TMTC1: variants seen among roughly 807,000 people sequenced by gnomAD.
TMTC1 encodes transmembrane O-mannosyltransferase targeting cadherins 1, also known as protein O-mannosyl-transferase TMTC1.
A neutral mutation model predicts 104.8 loss-of-function variants in TMTC1; 73 were observed. The observed-to-expected ratio is 0.70, with a 90% CI of 0.58 to 0.85. TMTC1 has a LOEUF of 0.85. Ranked by LOEUF, TMTC1 falls within the 40% of genes least tolerant of loss-of-function variation. The pLI, the probability that TMTC1 is intolerant of heterozygous loss-of-function variation, is 0.00. For synonymous variants in TMTC1, 434 were observed against 428.7 expected (o/e 1.01, Z -0.15); for missense variants, 1,035 against 1,096.1 (o/e 0.94, Z 0.79).
chr12:29,733,007 G>A (rs940868403), intron 5 of TMTC1, among the ~76,000 whole-genome samples: 2 of 152,156 alleles, frequency 1.3e-5, no homozygotes, highest in Non-Finnish European at 1.5e-5. Context: ...TATATACTGA[G>A]CTTCCCAGTA....
intron 9 of TMTC1, among the ~76,000 whole-genome samples, chr12:29,557,771 G>A (rs967117838): frequency 2.0e-5 from 3 of 152,164 alleles, no homozygotes; most frequent in African/African-American, 7.2e-5. Context: ...TTGGATTAGA[G>A]CATTGGTAAG....
At chr12:29,603,333 A>AT (rs1423768787) in intron 7 of TMTC1, among the ~76,000 whole-genome samples, 2 of 152,030 alleles carry the variant, frequency 1.3e-5, no homozygotes, top group African/African-American at 4.8e-5. Context: ...TCCTCCTAAC[A>AT]TTTTGGTTTA....
chr12:29,537,885 T>C (rs575146414), intron 10 of TMTC1, among the ~76,000 whole-genome samples: 1 of 152,218 alleles, frequency 6.6e-6, no homozygotes, highest in Non-Finnish European at 1.5e-5. Context: ...TCAACTATCA[T>C]AGACCTTGGG....
At chr12:29,630,462 G>T (rs930326884) in intron 6 of TMTC1, among the ~76,000 whole-genome samples, 1 of 152,126 alleles carries the variant, frequency 6.6e-6, no homozygotes, top group African/African-American at 2.4e-5. Context: ...CTCTCATGGG[G>T]TCCCTCCTAT....
chr12:29,705,422 T>A (rs1020362664), intron 5 of TMTC1, among the ~76,000 whole-genome samples: 2 of 152,170 alleles, frequency 1.3e-5, no homozygotes, highest in African/African-American at 4.8e-5. Flanking sequence ...GTAAGAGAAA[T>A]TTACATCCAC....
Position 29,694,973 on chromosome 12 carries a change from G to A in TMTC1, c.938+56693C>T, listed in dbSNP as rs150770888. Among the ~76,000 whole-genome samples the A allele has an allele frequency of 1.5e-3, 222 of 151,136 alleles. 1 individual carries two copies. The Middle Eastern group carries it at 0.034, about 23-fold the overall frequency. On this transcript the variant is annotated intron_variant, in intron 5 of 17. Transcript: ENST00000539277. Reference sequence around the variant, plus strand: ...AAAACAAAACAAAACAAAAAAACCTGCAACAATCTATTTTCTCAGATTTTT... The same window carrying A: ...AAAACAAAACAAAACAAAAAAACCTACAACAATCTATTTTCTCAGATTTTT...
At chr12:29,776,304 G>T (rs906070029) in intron 1 of TMTC1, among the ~76,000 whole-genome samples, 1 of 152,180 alleles carries the variant, frequency 6.6e-6, no homozygotes, top group Non-Finnish European at 1.5e-5. Context: ...GTTCCAGCAA[G>T]TTCCAATAGA....
chr12:29,531,095 C>G (rs1000413703), intron 11 of TMTC1, among the ~76,000 whole-genome samples: 9 of 152,106 alleles, frequency 5.9e-5, no homozygotes, highest in African/African-American at 2.2e-4. Flanking sequence ...CTAGGGGTAG[C>G]CTTCCCTTCT....
At chr12:29,631,512 T>C (rs1229762137) in intron 6 of TMTC1, among the ~76,000 whole-genome samples, 1 of 152,234 alleles carries the variant, frequency 6.6e-6, no homozygotes, top group Admixed American at 6.5e-5. Context: ...ATTGAATTAC[T>C]TTGACAACTA....
chr12:29,593,865 AC>A (rs1453991764), intron 7 of TMTC1, among the ~76,000 whole-genome samples: 1 of 152,222 alleles, frequency 6.6e-6, no homozygotes, highest in Non-Finnish European at 1.5e-5. Flanking sequence ...TCATTTCTGA[AC>A]CCTAAGCAAC....
At chr12:29,573,117 C>T (rs1010715597) in intron 8 of TMTC1, among the ~76,000 whole-genome samples, 8 of 152,162 alleles carry the variant, frequency 5.3e-5, no homozygotes, top group East Asian at 3.9e-4. Context: ...GCACAGTACT[C>T]GGGGGTGCTG....
At chr12:29,682,514 T>C (rs1940955185) in intron 5 of TMTC1, among the ~76,000 whole-genome samples, 1 of 152,194 alleles carries the variant, frequency 6.6e-6, no homozygotes, top group South Asian at 2.1e-4. Flanking sequence ...TACCACAGTC[T>C]GTGAATGGTT....
At chr12:29,508,129 C>T (rs1943741019) in intron 17 of TMTC1, among the ~76,000 whole-genome samples, 3 of 152,106 alleles carry the variant, frequency 2.0e-5, no homozygotes, top group South Asian at 4.1e-4. Context: ...CTATTTCTTA[C>T]TGTATTTACT....
At chr12:29,641,671 C>A (rs754025021) in intron 5 of TMTC1, among the ~76,000 whole-genome samples, 3 of 152,044 alleles carry the variant, frequency 2.0e-5, no homozygotes, top group African/African-American at 7.3e-5. Flanking sequence ...GATAATATGA[C>A]AAAACAAGGC....
chr12:29,526,423 A>G (rs751956099), intron 11 of TMTC1, among the ~76,000 whole-genome samples: 8 of 152,182 alleles, frequency 5.3e-5, no homozygotes, highest in Non-Finnish European at 1.2e-4. Flanking sequence ...GGACCATAGA[A>G]GTTTATTTAA....
intron 2 of TMTC1, among the ~76,000 whole-genome samples, chr12:29,767,493 G>A (rs553134362): frequency 6.6e-6 from 1 of 152,288 alleles, no homozygotes; most frequent in African/African-American, 2.4e-5. Context: ...CATGGTAAGT[G>A]TCTCGAATGG....
At chr12:29,570,347 A>C (rs1205520227) in intron 9 of TMTC1, among the ~76,000 whole-genome samples, 2 of 152,254 alleles carry the variant, frequency 1.3e-5, no homozygotes, top group East Asian at 3.8e-4. Context: ...TACCCACCAG[A>C]GATAAGCATT....
chr12:29,738,293 C>T (rs992340816), intron 5 of TMTC1, among the ~76,000 whole-genome samples: 3 of 152,238 alleles, frequency 2.0e-5, no homozygotes, highest in South Asian at 2.1e-4. Flanking sequence ...TAAATGTAAA[C>T]AAGGAAGGAA....
intron 5 of TMTC1, among the ~76,000 whole-genome samples, chr12:29,687,797 C>T (rs1941142123): frequency 6.6e-6 from 1 of 152,172 alleles, no homozygotes; most frequent in Non-Finnish European, 1.5e-5. Context: ...TCGCTGTGTC[C>T]TCCCATTGTT....
Sources: allele counts gnomAD v4.1 joint callset (sites outside exome capture counted in the v4.1 genomes callset), GRCh38; gene constraint gnomAD v4.1.1; transcripts MANE v1.5; gene names NCBI Gene and HGNC (gene_info 2026-07-23, HGNC 2026-07-21).